The following ZNF395 variants were observed in gnomAD, a reference collection of about 807,000 sequenced individuals.
ZNF395 encodes HD gene regulatory region-binding protein 2.
In ZNF395, 20 loss-of-function variants were observed where a neutral mutation model predicts 57.7. That is an observed-to-expected ratio of 0.35 (90% confidence interval 0.24 to 0.50). The LOEUF (loss-of-function observed/expected upper bound fraction) is 0.50, where lower values mean the gene tolerates loss of function less well. ZNF395 is among the 20% of genes least tolerant of loss of function. The pLI, the probability that ZNF395 is intolerant of heterozygous loss-of-function variation, is 0.97. For missense variants in ZNF395, 606 were observed against 671.2 expected, an observed-to-expected ratio of 0.90 and a Z score of 1.07; for synonymous variants, 295 against 275.9, an observed-to-expected ratio of 1.07 and a Z score of -0.69.
In ZNF395 at chr8:28,348,669, G is replaced by A; in HGVS notation, c.*50C>T. 3 of 1,541,392 alleles carry A rather than the reference G, an allele frequency of 1.9e-6. No individual in the cohort carries two copies. Among genetic ancestry groups the A allele is most frequent in the Non-Finnish European group, 2.7e-6 (3 of 1,114,836 alleles). ...AGGGCTGGTGACACACTGGCCTCTT[G>A]TCAGTGGCTGCCGGCAGGGCCAGGA... On this transcript the variant is annotated 3_prime_UTR_variant, in exon 10 of 10. Coordinates refer to ENST00000344423, the MANE Select transcript of ZNF395 (RefSeq NM_018660.3).
intron 4 of ZNF395, among the ~76,000 whole-genome samples, chr8:28,354,594 T>A (rs1398640303): frequency 6.6e-6 from 1 of 152,128 alleles, no homozygotes; most frequent in Non-Finnish European, 1.5e-5. Context: ...TCTCCTTACA[T>A]CTCACATCCT....
intron 1 of ZNF395, among the ~76,000 whole-genome samples, chr8:28,383,658 C>G (rs866705918): frequency 1.2e-4 from 18 of 152,078 alleles, no homozygotes; most frequent in African/African-American, 4.1e-4. Flanking sequence ...CAGAGGGAAA[C>G]AGAAGCCCCT....
Position 28,351,674 on chromosome 8 carries a change from C to A in ZNF395, c.1054G>T (p.Glu352Ter), listed in dbSNP as rs1053096981. ...GTPVPGTPTS[E>*]PAPTPSMTGL... Reference sequence around the variant, plus strand: ...GTCATGCTGGGGGTGGGAGCTGGCTCGGAGGTGGGAGTCCCAGGGACTGGG... The same window carrying A: ...GTCATGCTGGGGGTGGGAGCTGGCTAGGAGGTGGGAGTCCCAGGGACTGGG... Residue 352 changes from glutamate (E) to a stop codon, truncating the protein, a stop_gained, in exon 7 of 10, where the codon GAG becomes TAG. Transcript: ENST00000344423. LOFTEE classifies it high-confidence loss of function. 6.2e-7 allele frequency: 1 copy of A among 1,612,476 alleles called. No individual in the cohort carries two copies. The highest frequency in any genetic ancestry group is 8.5e-7 in the Non-Finnish European group (1 of 1,179,868).
In ZNF395 at chr8:28,359,809, C is replaced by G. The variant is rs773486068; in HGVS notation, c.256G>C (p.Gly86Arg). The change falls in exon 3 of 10, where the codon GGG becomes CGG. Residue 86 changes from glycine (G) to arginine (R), a missense_variant. This residue lies in a region of ZNF395 where 309 missense variants were observed against 374.7 expected (regional missense o/e 0.82). Transcript: ENST00000344423. The surrounding 1 kb of genome is among the most constrained non-coding windows in gnomAD (Gnocchi z 4.7). ...ACCAGTCCTGTGCACTCTTGACCCCCGTACCACACATAAACCTGTGGGAAG... is the reference window on the plus strand; with the variant it reads ...ACCAGTCCTGTGCACTCTTGACCCCGGTACCACACATAAACCTGTGGGAAG... ...QPGQKVYVWY[G>R]GQECTGLVEQ... 8 of 1,613,848 alleles carry G rather than the reference C, an allele frequency of 5.0e-6. No individual in the cohort carries two copies. In the South Asian group the frequency reaches 7.7e-5, roughly 16 times the overall value.
At chr8:28,379,082 C>T (rs1291421309) in intron 1 of ZNF395, among the ~76,000 whole-genome samples, 2 of 152,162 alleles carry the variant, frequency 1.3e-5, no homozygotes, top group Admixed American at 6.5e-5. Flanking sequence ...TGGTTGTATT[C>T]GAACACCAGG....
intron 1 of ZNF395, among the ~76,000 whole-genome samples, chr8:28,363,131 G>GT (rs71549659): frequency 0.067 from 9,650 of 144,766 alleles, 658 homozygotes; most frequent in African/African-American, 0.17. Flanking sequence ...TTTTGTTTGG[G>GT]TTTTTTTTTT....
At chr8:28,361,792 C>T (rs7341624) in intron 1 of ZNF395, among the ~76,000 whole-genome samples, 16,717 of 152,184 alleles carry the variant, frequency 0.11, 2,997 homozygotes, top group African/African-American at 0.37. Context: ...CAAAGAGCCA[C>T]AGAAACTTGC....
At chr8:28,369,805 G>A (rs560602427) in intron 1 of ZNF395, among the ~76,000 whole-genome samples, 4 of 152,324 alleles carry the variant, frequency 2.6e-5, no homozygotes, top group South Asian at 2.1e-4. Context: ...AAAGCCCAGC[G>A]TCTTTAAACA....
In ZNF395 at chr8:28,348,643, G is replaced by A; in HGVS notation, c.*76C>T. On this transcript the variant is annotated 3_prime_UTR_variant, in exon 10 of 10. Coordinates refer to ENST00000344423, the MANE Select transcript of ZNF395 (RefSeq NM_018660.3). The stretch of plus-strand genomic sequence containing the variant: ...CGTTCTTTCTCTTTCGGTTTCTGCT[G>A]AGGGCTGGTGACACACTGGCCTCTT... 1.5e-6 allele frequency: 2 copies of A among 1,334,624 alleles called. No individual in the cohort carries two copies. The highest frequency in any genetic ancestry group is 3.6e-4 in the Middle Eastern group (2 of 5,542). 82.7% of individuals were successfully genotyped at this position (1,334,624 alleles called of 1,614,324 possible). A position where few individuals can be genotyped will look rare whatever the true frequency, so the allele number is the denominator to read the frequency against.
chr8:28,381,263 G>A (rs573000889), intron 1 of ZNF395, among the ~76,000 whole-genome samples: 4 of 151,476 alleles, frequency 2.6e-5, no homozygotes, highest in Non-Finnish European at 4.4e-5. Flanking sequence ...GGATGGTCTC[G>A]ATCTCCTGAC....
At chr8:28,378,350 C>T (rs971788782) in intron 1 of ZNF395, among the ~76,000 whole-genome samples, 30 of 152,164 alleles carry the variant, frequency 2.0e-4, no homozygotes, top group Non-Finnish European at 2.6e-4. Context: ...AGTGAGCCTC[C>T]GACATCAGCC....
rs1185506610 is a variant in ZNF395, at chr8:28,347,874, C to T, written c.*845G>A. 6.6e-6 allele frequency: 1 copy of T among 152,238 alleles called. No individual in the cohort carries two copies. Among genetic ancestry groups the T allele is most frequent in the Non-Finnish European group, 1.5e-5 (1 of 68,056 alleles). 9.4% of individuals were successfully genotyped at this position (152,238 alleles called of 1,614,324 possible). A position where few individuals can be genotyped will look rare whatever the true frequency, so the allele number is the denominator to read the frequency against. The stretch of plus-strand genomic sequence containing the variant: ...GGAGGAAGGCGGCGTCAGGAGGGTG[C>T]TTCCTCGGGTCAGAGCAGAGAGTTT... On this transcript the variant is annotated 3_prime_UTR_variant, in exon 10 of 10. Transcript: ENST00000344423.
At position 28,382,318 on chromosome 8, in the gene ZNF395, T is replaced by C. The variant is rs187497943; in HGVS notation, c.-59+4075A>G. Among the ~76,000 whole-genome samples, 428 of 152,272 alleles carry C rather than the reference T, an allele frequency of 2.8e-3. 1 individual carries two copies. Among genetic ancestry groups the C allele is most frequent in the Non-Finnish European group, 5.1e-3 (347 of 68,018 alleles). On this transcript the variant is annotated intron_variant, in intron 1 of 9. Coordinates refer to ENST00000344423, the MANE Select transcript of ZNF395 (RefSeq NM_018660.3). ...TGTAGTCCAAACTAGAACACATCCA[T>C]ATGCTTAAAACACTCCCTGGCCACC...
chr8:28,373,897 G>A (rs901763527), intron 1 of ZNF395, among the ~76,000 whole-genome samples: 1 of 152,198 alleles, frequency 6.6e-6, no homozygotes, highest in Non-Finnish European at 1.5e-5. Context: ...AACTCTAAGT[G>A]AGGAACTGAC....
chr8:28,354,944 TATAGGAACCACTCACA>T (rs1351517930), intron 4 of ZNF395, among the ~76,000 whole-genome samples: 24 of 151,782 alleles, frequency 1.6e-4, no homozygotes, highest in East Asian at 5.8e-4. Context: ...AGCCCTTCCC[TATAGGAACCACTCACA>T]ATGGCTCAAA....
rs559298674 is a variant in ZNF395, at chr8:28,349,069, C to T, written c.1430+56G>A. On this transcript the variant is annotated intron_variant, in intron 9 of 9. Transcript: ENST00000344423. ...CATCTGGGTGGGGTCGGAGTCCACG[C>T]CACTGGAGACAGGGCACAGAAACCA... 57 of 1,516,382 alleles carry T rather than the reference C, an allele frequency of 3.8e-5. 1 individual carries two copies. In the East Asian group the frequency reaches 1.2e-3, roughly 31 times the overall value. 93.9% of individuals were successfully genotyped at this position (1,516,382 alleles called of 1,614,324 possible).
intron 1 of ZNF395, among the ~76,000 whole-genome samples, chr8:28,370,286 C>T (rs1031660559): frequency 2.6e-5 from 4 of 151,794 alleles, no homozygotes; most frequent in East Asian, 1.9e-4. Context: ...GCCTTAGTGA[C>T]GAGAAGACAG....
chr8:28,349,248 C>T lies in ZNF395; in HGVS notation c.1327-20G>A. 6.6e-7 allele frequency: 1 copy of T among 1,515,370 alleles called. No homozygotes were observed. Among genetic ancestry groups the T allele is most frequent in the Non-Finnish European group, 8.8e-7 (1 of 1,132,116 alleles). 93.9% of individuals were successfully genotyped at this position (1,515,370 alleles called of 1,614,324 possible). ...CCGGACCTGGGCGTGGGGAGAGGGGCTGTGAGCACAGGGACATTCAGGAAA... is the reference window on the plus strand; with the variant it reads ...CCGGACCTGGGCGTGGGGAGAGGGGTTGTGAGCACAGGGACATTCAGGAAA... On this transcript the variant is annotated intron_variant, in intron 8 of 9. Transcript: ENST00000344423.
intron 9 of ZNF395, 81 bp from the exon 10 acceptor site, chr8:28,348,911 A>G: frequency 6.8e-7 from 1 of 1,460,244 alleles, no homozygotes; most frequent in Non-Finnish European, 9.6e-7. Flanking sequence ...TGGGAGAACA[A>G]GCAGAGGCCA....
Sources: allele counts gnomAD v4.1 joint callset (sites outside exome capture counted in the v4.1 genomes callset), GRCh38; gene constraint gnomAD v4.1.1; regional missense constraint gnomAD v4.1.1; non-coding constraint Gnocchi (gnomAD v3.1); transcripts MANE v1.5; gene names NCBI Gene and HGNC (gene_info 2026-07-23, HGNC 2026-07-21).